ADAMTS17: variants seen among roughly 807,000 people sequenced by gnomAD.
ADAMTS17 encodes the protein A disintegrin and metalloproteinase with thrombospondin motifs 17.
ADAMTS17 carries 113 observed loss-of-function variants against 141.5 expected under a neutral mutation model. The observed-to-expected ratio is 0.80, with a 90% CI of 0.69 to 0.93. ADAMTS17 has a LOEUF of 0.93. Among genes scored for constraint, ADAMTS17 ranks in the 40% least tolerant of loss-of-function variants. The probability of loss-of-function intolerance (pLI) is 0.00; values close to 1 mark genes in which losing one functional copy is unlikely to be tolerated. For missense variants in ADAMTS17, 1,659 were observed against 1,517.9 expected (o/e 1.09, Z -1.54); for synonymous variants, 768 against 630.6 (o/e 1.22, Z -3.27).
intron 4 of ADAMTS17, among the ~76,000 whole-genome samples, chr15:100,276,473 GTGGGTGCCTGGTGGGAGGGT>G (rs2044097791): frequency 9.0e-6 from 1 of 111,148 alleles, no homozygotes; most frequent in Non-Finnish European, 1.9e-5. Flanking sequence ...GTGGGAGGGA[GTGGGTGCCTGGTGGGAGGGT>G]GGGAGGGAGT....
chr15:100,051,238 C>T (rs915818454), intron 17 of ADAMTS17, among the ~76,000 whole-genome samples: 15 of 152,170 alleles, frequency 9.9e-5, no homozygotes, highest in Admixed American at 7.2e-4. Context: ...CTCCAGCAAG[C>T]AGCAGCAGTT....
intron 18 of ADAMTS17, among the ~76,000 whole-genome samples, chr15:100,034,450 A>G (rs1234325987): frequency 1.3e-5 from 2 of 152,222 alleles, no homozygotes; most frequent in South Asian, 2.1e-4. Context: ...GCTGCAGAGC[A>G]TGCAGTCTGC....
chr15:99,983,109 T>G (rs2060513372), intron 20 of ADAMTS17, among the ~76,000 whole-genome samples: 1 of 152,200 alleles, frequency 6.6e-6, no homozygotes, highest in African/African-American at 2.4e-5. Flanking sequence ...AGCGTGATAC[T>G]GAGACATTGT....
intron 8 of ADAMTS17, among the ~76,000 whole-genome samples, chr15:100,164,488 G>A (rs1472512714): frequency 6.6e-6 from 1 of 152,156 alleles, no homozygotes; most frequent in Admixed American, 6.5e-5. Context: ...ATTCTCTAAG[G>A]GAATAGGGGT....
At chr15:100,203,052 G>A (rs1219341284) in intron 7 of ADAMTS17, among the ~76,000 whole-genome samples, 1 of 152,182 alleles carries the variant, frequency 6.6e-6, no homozygotes, top group African/African-American at 2.4e-5. Context: ...AAAGGCAACT[G>A]GAATTTATTA....
chr15:100,042,590 CT>C (rs1371041997), intron 18 of ADAMTS17, among the ~76,000 whole-genome samples: 3 of 152,148 alleles, frequency 2.0e-5, no homozygotes, highest in Non-Finnish European at 4.4e-5. Context: ...TTTAGTACAT[CT>C]GAGTTGCCAT....
At chr15:100,211,435 T>C (rs2041806950) in intron 7 of ADAMTS17, among the ~76,000 whole-genome samples, 1 of 152,016 alleles carries the variant, frequency 6.6e-6, no homozygotes, top group Non-Finnish European at 1.5e-5. Flanking sequence ...CACAGGGAGA[T>C]GAATGAATTA....
intron 3 of ADAMTS17, among the ~76,000 whole-genome samples, chr15:100,309,199 A>G (rs2045324838): frequency 6.6e-6 from 1 of 152,142 alleles, no homozygotes; most frequent in Non-Finnish European, 1.5e-5. Flanking sequence ...CTCCACAAAA[A>G]AATAATCAGC....
intron 3 of ADAMTS17, among the ~76,000 whole-genome samples, chr15:100,330,590 T>C (rs2046020948): frequency 1.3e-5 from 2 of 152,118 alleles, no homozygotes; most frequent in South Asian, 4.1e-4. Flanking sequence ...AGGGAATTCT[T>C]ATCCAAGCTC....
chr15:99,979,769 C>G (rs1440674117), intron 20 of ADAMTS17: 1 of 152,200 alleles, frequency 6.6e-6, no homozygotes, highest in African/African-American at 2.4e-5. Flanking sequence ...TTTCATAAGG[C>G]TCCATTTTAT....
chr15:100,060,157 T>C (rs995545169), intron 15 of ADAMTS17, among the ~76,000 whole-genome samples: 1 of 152,196 alleles, frequency 6.6e-6, no homozygotes, highest in Non-Finnish European at 1.5e-5. Flanking sequence ...TCTGGTTTGC[T>C]GGGGAGATTT....
intron 18 of ADAMTS17, among the ~76,000 whole-genome samples, chr15:100,018,959 C>T (rs1264350034): frequency 3.3e-5 from 5 of 152,168 alleles, no homozygotes; most frequent in African/African-American, 1.2e-4. Flanking sequence ...TAACCTATGC[C>T]TTATTCCACT....
chr15:99,980,118 C>G (rs866751146), intron 20 of ADAMTS17: 1 of 152,324 alleles, frequency 6.6e-6, no homozygotes, highest in Admixed American at 6.5e-5. Flanking sequence ...GCCAGAAGTT[C>G]GAGACCAGCC....
At chr15:100,210,090 C>T (rs990039375) in intron 7 of ADAMTS17, among the ~76,000 whole-genome samples, 5 of 151,598 alleles carry the variant, frequency 3.3e-5, no homozygotes, top group Admixed American at 6.6e-5. Flanking sequence ...AAAAATTAGC[C>T]GGGCATAGTG....
At chr15:100,020,259 T>C (rs2061379082) in intron 18 of ADAMTS17, among the ~76,000 whole-genome samples, 1 of 152,084 alleles carries the variant, frequency 6.6e-6, no homozygotes, top group Admixed American at 6.5e-5. Flanking sequence ...GACATGAAAA[T>C]ATTCAGAATT....
chr15:100,171,164 G>A (rs749003682), intron 8 of ADAMTS17, among the ~76,000 whole-genome samples: 2 of 152,136 alleles, frequency 1.3e-5, no homozygotes, highest in Non-Finnish European at 1.5e-5. Context: ...GCAGTTGAGA[G>A]AGCCTGCTGC....
At chr15:100,028,344 G>A (rs981362192) in intron 18 of ADAMTS17, among the ~76,000 whole-genome samples, 2 of 152,224 alleles carry the variant, frequency 1.3e-5, no homozygotes, top group African/African-American at 2.4e-5. Flanking sequence ...CTTCGGACCC[G>A]GCCATTTATC....
At chr15:100,077,329 G>C (rs1294065825) in intron 15 of ADAMTS17, among the ~76,000 whole-genome samples, 1 of 149,902 alleles carries the variant, frequency 6.7e-6, no homozygotes. Flanking sequence ...TGGCATGGTG[G>C]TGCGTGCCTG....
At chr15:100,083,817 C>CT (rs1304033019) in intron 15 of ADAMTS17, among the ~76,000 whole-genome samples, 5 of 151,326 alleles carry the variant, frequency 3.3e-5, no homozygotes, top group Admixed American at 1.3e-4. Flanking sequence ...GCAGCTGGCA[C>CT]TTGGCCCTTC....
Sources: allele counts gnomAD v4.1 joint callset (sites outside exome capture counted in the v4.1 genomes callset), GRCh38; gene constraint gnomAD v4.1.1; transcripts MANE v1.5; gene names NCBI Gene and HGNC (gene_info 2026-07-23, HGNC 2026-07-21).